LINC00237: variants seen among roughly 807,000 people sequenced by gnomAD.
LINC00237 encodes long independently transcribed non-coding RNA 237.
intron 1 of LINC00237, among the ~76,000 whole-genome samples, chr20:21,105,766 T>TCTCTCTGC (rs1471953157): frequency 6.6e-6 from 1 of 152,060 alleles, no homozygotes; most frequent in East Asian, 1.9e-4. Context: ...TTTGCGGGCG[T>TCTCTCTGC]CTCTCTGCCT....
intron 1 of LINC00237, among the ~76,000 whole-genome samples, chr20:21,099,616 C>T (rs754139568): frequency 2.0e-4 from 31 of 152,190 alleles, no homozygotes; most frequent in Non-Finnish European, 2.9e-5. Flanking sequence ...CTTGGGGTAC[C>T]TGACAGACGA....
At chr20:21,088,920 C>T (rs942656139) in intron 2 of LINC00237, among the ~76,000 whole-genome samples, 4 of 151,946 alleles carry the variant, frequency 2.6e-5, no homozygotes, top group Admixed American at 6.6e-5. Context: ...TACTGCATTC[C>T]TAGTGTATGT....
chr20:21,105,442 C>A (rs1040894266), intron 1 of LINC00237, among the ~76,000 whole-genome samples: 14 of 152,192 alleles, frequency 9.2e-5, no homozygotes, highest in African/African-American at 3.4e-4. Context: ...CTCGAGGTAC[C>A]CCTCTGAGGC....
intron 3 of LINC00237, among the ~76,000 whole-genome samples, chr20:21,086,707 A>G (rs1398784546): frequency 5.9e-4 from 10 of 16,942 alleles, no homozygotes; most frequent in Non-Finnish European, 1.4e-3. Flanking sequence ...AGTATACTAT[A>G]TATACATATA....
chr20:21,086,652 T>TATATAGTATACTATATATAGTATACTAC lies in LINC00237; in HGVS notation n.560-765_560-764insGTAGTATACTATATATAGTATACTATAT, dbSNP rs1555861067. On this transcript the variant is annotated intron_variant and non_coding_transcript_variant, in intron 3 of 3. Transcript: ENST00000691244. ...ATAGTATACTATATATAGTATACTA[T>TATATAGTATACTATATATAGTATACTAC]ATATGTATAGTATACTATATATAGT... Among the ~76,000 whole-genome samples the TATATAGTATACTATATATAGTATACTAC allele has an allele frequency of 1.6e-4, 5 of 30,332 alleles. 1 individual carries two copies. Among genetic ancestry groups the TATATAGTATACTATATATAGTATACTAC allele is most frequent in the African/African-American group, 4.6e-4 (5 of 10,778 alleles). 19.9% of individuals were successfully genotyped at this position (30,332 alleles called of 152,430 possible).
intron 1 of LINC00237, among the ~76,000 whole-genome samples, chr20:21,100,971 G>A (rs2030923295): frequency 6.6e-6 from 1 of 152,194 alleles, no homozygotes; most frequent in South Asian, 2.1e-4. Flanking sequence ...TCAGCTCCTC[G>A]CAGTCCCCAC....
chr20:21,094,092 C>A (rs913647671), intron 1 of LINC00237, among the ~76,000 whole-genome samples: 9 of 152,184 alleles, frequency 5.9e-5, no homozygotes, highest in African/African-American at 2.2e-4. Context: ...TTTGGCCATT[C>A]CTGAAGTAGA....
At chr20:21,100,413 C>T (rs1308513575) in intron 1 of LINC00237, among the ~76,000 whole-genome samples, 1 of 152,216 alleles carries the variant, frequency 6.6e-6, no homozygotes, top group Non-Finnish European at 1.5e-5. Flanking sequence ...TCACCGAAGC[C>T]GGCGATTCGA....
At chr20:21,089,405 G>T (rs1209403522) in intron 2 of LINC00237, among the ~76,000 whole-genome samples, 1 of 151,748 alleles carries the variant, frequency 6.6e-6, no homozygotes, top group South Asian at 2.1e-4. Flanking sequence ...AATTGAAAAA[G>T]GCTTGAAATA....
intron 1 of LINC00237, among the ~76,000 whole-genome samples, chr20:21,102,924 T>G (rs2030952410): frequency 6.6e-6 from 1 of 152,252 alleles, no homozygotes; most frequent in South Asian, 2.1e-4. Context: ...GACTCGGTGC[T>G]GAAGCCCCAG....
At chr20:21,097,186 G>C (rs182819457) in intron 1 of LINC00237, among the ~76,000 whole-genome samples, 21 of 152,286 alleles carry the variant, frequency 1.4e-4, no homozygotes, top group Non-Finnish European at 2.5e-4. Context: ...TTGGAACTCT[G>C]TATCACAGAT....
At chr20:21,100,483 C>T (rs965808341) in intron 1 of LINC00237, among the ~76,000 whole-genome samples, 19 of 152,276 alleles carry the variant, frequency 1.2e-4, no homozygotes, top group African/African-American at 4.1e-4. Context: ...CGCCTCTGCG[C>T]AACTTTCCTC....
chr20:21,085,681 G>A (rs1383699715), exon 4 of LINC00237, among the ~76,000 whole-genome samples: 2 of 152,154 alleles, frequency 1.3e-5, no homozygotes, highest in Admixed American at 6.6e-5. Context: ...GACTGAAGGG[G>A]ACATTTGGGG....
chr20:21,089,529 G>T (rs1057112748), intron 2 of LINC00237, among the ~76,000 whole-genome samples: 5 of 152,048 alleles, frequency 3.3e-5, no homozygotes, highest in African/African-American at 4.8e-5. Flanking sequence ...TCTTCTCTTC[G>T]CTGGGCTCGT....
chr20:21,099,464 G>C (rs2030901920), intron 1 of LINC00237, among the ~76,000 whole-genome samples: 1 of 152,030 alleles, frequency 6.6e-6, no homozygotes, highest in Non-Finnish European at 1.5e-5. Flanking sequence ...ATATTTCCAT[G>C]CGCGAATTGT....
intron 1 of LINC00237, among the ~76,000 whole-genome samples, chr20:21,096,095 C>T (rs1279111729): frequency 1.3e-5 from 2 of 152,188 alleles, no homozygotes. Flanking sequence ...TTCGGTAATA[C>T]ATTGCTTGCT....
intron 1 of LINC00237, among the ~76,000 whole-genome samples, chr20:21,105,602 G>A (rs540960930): frequency 2.0e-5 from 3 of 152,310 alleles, no homozygotes; most frequent in East Asian, 3.9e-4. Context: ...CTTCTTCCAG[G>A]GGAAGGAGTG....
At chr20:21,086,243 G>T (rs567191899) in intron 3 of LINC00237, among the ~76,000 whole-genome samples, 263 of 152,184 alleles carry the variant, frequency 1.7e-3, no homozygotes, top group Non-Finnish European at 3.2e-3. Flanking sequence ...TAGTGCCTTT[G>T]TTCACAAGAC....
intron 2 of LINC00237, among the ~76,000 whole-genome samples, chr20:21,089,065 G>C (rs184035271): frequency 1.3e-5 from 2 of 151,776 alleles, no homozygotes; most frequent in Non-Finnish European, 2.9e-5. Flanking sequence ...GAGCAACATT[G>C]TCACAGTGAG....
Sources: gnomAD v4.1 joint callset for allele counts (sites outside exome capture counted in the v4.1 genomes callset) on GRCh38, gnomAD v4.1.1 for gene constraint, MANE v1.5 for transcripts, NCBI Gene and HGNC (gene_info 2026-07-23, HGNC 2026-07-21) for gene names.